The following SYT2 variants were observed in gnomAD, a reference collection of about 807,000 sequenced individuals.
The protein encoded by SYT2 is synaptotagmin 2, also known as synaptotagmin-2.
In SYT2, 15 loss-of-function variants were observed where a neutral mutation model predicts 39.9. The ratio of observed to expected loss-of-function variants is 0.38; its 90% CI spans 0.25 to 0.58. SYT2 has a LOEUF of 0.58. Ranked by LOEUF, SYT2 falls within the 20% of genes least tolerant of loss-of-function variation. The pLI, the probability that SYT2 is intolerant of heterozygous loss-of-function variation, is 0.70. For synonymous variants in SYT2, 181 were observed against 204.5 expected, an observed-to-expected ratio of 0.89 and a Z score of 0.98; for missense variants, 389 against 530.3, an observed-to-expected ratio of 0.73 and a Z score of 2.62.
intron 1 of SYT2, among the ~76,000 whole-genome samples, chr1:202,697,137 T>C (rs1653992821): frequency 6.6e-6 from 1 of 152,204 alleles, no homozygotes; most frequent in Non-Finnish European, 1.5e-5. Context: ...AGATGGCAGC[T>C]GCCACAGGGT....
intron 1 of SYT2, among the ~76,000 whole-genome samples, chr1:202,618,243 G>A (rs1400117255): frequency 1.3e-5 from 2 of 152,134 alleles, no homozygotes; most frequent in Admixed American, 6.5e-5. Flanking sequence ...ACTGAATTCT[G>A]TGGGGAAGTG....
At chr1:202,674,949 A>G (rs1486990656) in intron 1 of SYT2, among the ~76,000 whole-genome samples, 1 of 130,870 alleles carries the variant, frequency 7.6e-6, no homozygotes, top group Non-Finnish European at 1.7e-5. Context: ...CAGAGCACTT[A>G]CTACCATCTG....
At chr1:202,708,145 A>C (rs1654298343) in intron 1 of SYT2, among the ~76,000 whole-genome samples, 1 of 152,124 alleles carries the variant, frequency 6.6e-6, no homozygotes, top group African/African-American at 2.4e-5. Flanking sequence ...ATGTTTACGA[A>C]CACCAACACT....
intron 1 of SYT2, among the ~76,000 whole-genome samples, chr1:202,654,870 A>C (rs1282785168): frequency 6.6e-6 from 1 of 152,168 alleles, no homozygotes; most frequent in Non-Finnish European, 1.5e-5. Context: ...TCCAGGTGAG[A>C]GATGCTAATG....
At chr1:202,668,226 G>A (rs111488483) in intron 1 of SYT2, among the ~76,000 whole-genome samples, 181 of 152,290 alleles carry the variant, frequency 1.2e-3, no homozygotes, top group African/African-American at 4.2e-3. Context: ...TCTCTCGTGC[G>A]CTCATCCACA....
chr1:202,675,969 A>G (rs1430211717), intron 1 of SYT2, among the ~76,000 whole-genome samples: 7 of 152,308 alleles, frequency 4.6e-5, no homozygotes, highest in African/African-American at 2.4e-5. Flanking sequence ...TACTATGTCT[A>G]TTTTACAGAT....
intron 1 of SYT2, among the ~76,000 whole-genome samples, chr1:202,655,543 T>A (rs576920369): frequency 6.6e-6 from 1 of 152,178 alleles, no homozygotes; most frequent in Non-Finnish European, 1.5e-5. Context: ...TGGGTCTTTA[T>A]GTGCCCAACC....
rs1653396240 is a variant in SYT2, at chr1:202,677,102, C to A, written c.-18+33156G>T. Among the ~76,000 whole-genome samples the A allele has an allele frequency of 2.6e-5, 4 of 152,208 alleles. No individual in the cohort carries two copies. The South Asian group carries it at 8.3e-4, about 32-fold the overall frequency. On this transcript the variant is annotated intron_variant, in intron 1 of 8. Transcript: ENST00000367268. The stretch of plus-strand genomic sequence containing the variant: ...GATTTCCTGAGGCCTCCCAGCCATG[C>A]CTACTGTACAGCCTGTGGAACTGTG...
intron 1 of SYT2, among the ~76,000 whole-genome samples, chr1:202,617,229 T>C (rs1029526506): frequency 1.3e-5 from 2 of 152,246 alleles, no homozygotes; most frequent in African/African-American, 4.8e-5. Context: ...AGTTTGGATC[T>C]GTGTCCCTGC....
intron 1 of SYT2, among the ~76,000 whole-genome samples, chr1:202,709,451 T>G (rs1272488980): frequency 1.3e-5 from 2 of 152,116 alleles, no homozygotes; most frequent in African/African-American, 4.8e-5. Context: ...AAAAGCCCTG[T>G]GCCCCAGAGG....
chr1:202,638,881 C>T (rs2149095403), intron 1 of SYT2, among the ~76,000 whole-genome samples: 1 of 152,352 alleles, frequency 6.6e-6, no homozygotes, highest in South Asian at 2.1e-4. Flanking sequence ...CTATTGTCTC[C>T]CTCCTCTCTC....
At chr1:202,705,562 T>C (rs1210063343) in intron 1 of SYT2, among the ~76,000 whole-genome samples, 1 of 152,170 alleles carries the variant, frequency 6.6e-6, no homozygotes, top group Non-Finnish European at 1.5e-5. Context: ...GCCATTTTAA[T>C]GGACCCTGCT....
intron 1 of SYT2, among the ~76,000 whole-genome samples, chr1:202,697,175 C>G (rs1055629206): frequency 2.0e-5 from 3 of 152,236 alleles, no homozygotes; most frequent in Non-Finnish European, 2.9e-5. Context: ...GTTGGGGAAG[C>G]CACAGGTCCA....
rs541011042 is a variant in SYT2 at position 202,647,464 on chromosome 1, C to G, written c.-17-41675G>C. 2.8e-4 allele frequency among the ~76,000 whole-genome samples: 43 copies of G among 152,012 alleles called. No individual in the cohort carries two copies. The East Asian group carries it at 6.6e-3, about 23-fold the overall frequency. ...CTGCTGCTTGGGAGGCTTCCCCCCC[C>G]AACCGTACTCCATGAGCACCCCCAA... On this transcript the variant is annotated intron_variant, in intron 1 of 8. Coordinates refer to ENST00000367268, the MANE Select transcript of SYT2 (RefSeq NM_177402.5).
chr1:202,681,100 T>G (rs1653513811), intron 1 of SYT2, among the ~76,000 whole-genome samples: 1 of 151,592 alleles, frequency 6.6e-6, no homozygotes, highest in East Asian at 1.9e-4. Context: ...CCACCCCTGG[T>G]CCCACCCTGG....
intron 1 of SYT2, among the ~76,000 whole-genome samples, chr1:202,691,710 GGAGA>G (rs1164070345): frequency 2.3e-4 from 11 of 48,512 alleles, no homozygotes; most frequent in East Asian, 2.0e-3. Flanking sequence ...AGAGGGAGAG[GGAGA>G]GGGAGAGGGA....
At chr1:202,648,258 G>A (rs572170561) in intron 1 of SYT2, among the ~76,000 whole-genome samples, 14 of 151,874 alleles carry the variant, frequency 9.2e-5, no homozygotes, top group African/African-American at 2.4e-4. Flanking sequence ...TCGGCTCACC[G>A]CAACCTCCGC....
intron 1 of SYT2, among the ~76,000 whole-genome samples, chr1:202,617,681 A>C (rs1238778133): frequency 6.6e-6 from 1 of 151,066 alleles, no homozygotes; most frequent in Non-Finnish European, 1.5e-5. Context: ...CTCCTCCCCT[A>C]CCCCCGCATC....
chr1:202,689,451 G>C (rs1653763452), intron 1 of SYT2, among the ~76,000 whole-genome samples: 1 of 152,166 alleles, frequency 6.6e-6, no homozygotes, highest in Non-Finnish European at 1.5e-5. Flanking sequence ...AAAGTGAGGA[G>C]GGGATGAGGT....
Sources: allele counts gnomAD v4.1 joint callset (sites outside exome capture counted in the v4.1 genomes callset), GRCh38; gene constraint gnomAD v4.1.1; transcripts MANE v1.5; gene names NCBI Gene and HGNC (gene_info 2026-07-23, HGNC 2026-07-21).